MOCOS: variants seen among roughly 807,000 people sequenced by gnomAD.
The protein encoded by MOCOS is molybdenum cofactor sulfurase, also known as human molybdenum cofactor sulfurase.
A neutral mutation model predicts 83.6 loss-of-function variants in MOCOS; 86 were observed. The ratio of observed to expected loss-of-function variants is 1.03; its 90% CI spans 0.86 to 1.23. The LOEUF (loss-of-function observed/expected upper bound fraction) is 1.23. Among genes scored for constraint, MOCOS ranks in the 50% most tolerant of loss-of-function variants. MOCOS has a pLI of 0.00. For synonymous variants in MOCOS, 445 were observed against 434.7 expected (o/e 1.02, Z -0.29); for missense variants, 1,120 against 1,126.9 (o/e 0.99, Z 0.09).
intron 12 of MOCOS, among the ~76,000 whole-genome samples, chr18:36,259,468 G>GT (rs1185933716): frequency 1.5e-5 from 2 of 135,498 alleles, no homozygotes; most frequent in Non-Finnish European, 3.2e-5. Flanking sequence ...AAAAAAAAAG[G>GT]TATCAGAAAA....
chr18:36,260,127 TGAA>T lies in MOCOS; in HGVS notation c.2367_2369del (p.Glu790del). ...TTATTATCAATGGAAAAAGGGCTTTTGAAGAAGAGAAATGGGATGAGATTTCAA... is the reference window on the plus strand; with the variant it reads ...TTATTATCAATGGAAAAAGGGCTTTTGAAGAGAAATGGGATGAGATTTCAA... On this transcript the variant is annotated inframe_deletion, in exon 13 of 15. Transcript: ENST00000261326. The T allele has an allele frequency of 6.2e-7, 1 of 1,614,180 alleles. No homozygotes were observed. Among genetic ancestry groups the T allele is most frequent in the Non-Finnish European group, 8.5e-7 (1 of 1,180,038 alleles).
chr18:36,234,940 G>A (rs1426316166), intron 9 of MOCOS, among the ~76,000 whole-genome samples: 1 of 152,046 alleles, frequency 6.6e-6, no homozygotes, highest in South Asian at 2.1e-4. Context: ...CAAACAGCAT[G>A]GAGGAAACTG....
Position 36,198,775 on chromosome 18 carries a change from T to C in MOCOS, c.299+19T>C. ...GCTACAGGTAAGCATCAGGGACACC[T>C]GCCTGACTGGGCATACCTAGGCAGA... On this transcript the variant is annotated intron_variant, in intron 3 of 14. Transcript: ENST00000261326. 6.2e-7 allele frequency: 1 copy of C among 1,613,016 alleles called. No individual in the cohort carries two copies. Among genetic ancestry groups the C allele is most frequent in the African/African-American group, 1.3e-5 (1 of 75,034 alleles).
Position 36,197,590 on chromosome 18 carries a change from G to A in MOCOS, c.233-1100G>A, listed in dbSNP as rs144487391. The stretch of plus-strand genomic sequence containing the variant: ...GACAACCCTGGGCAACATAGCAAGA[G>A]CCTATCTTTACAAAAAACAAAAATT... On this transcript the variant is annotated intron_variant, in intron 2 of 14. Coordinates refer to ENST00000261326, the MANE Select transcript of MOCOS (RefSeq NM_017947.4). Among the ~76,000 whole-genome samples, 159 of 151,994 alleles carry A rather than the reference G, an allele frequency of 1.0e-3. 6 individuals carry two copies. The East Asian group carries it at 0.026, about 25-fold the overall frequency.
intron 9 of MOCOS, among the ~76,000 whole-genome samples, chr18:36,240,041 T>G (rs1414972168): frequency 2.5e-5 from 3 of 120,400 alleles, no homozygotes; most frequent in African/African-American, 1.0e-4. Context: ...TTCTTCTAAA[T>G]TTTTTTCAAA....
intron 9 of MOCOS, among the ~76,000 whole-genome samples, chr18:36,244,928 G>A (rs1301809734): frequency 6.6e-6 from 1 of 151,952 alleles, no homozygotes; most frequent in Admixed American, 6.6e-5. Flanking sequence ...TGTTTTGTCT[G>A]CTATAAGAAT....
chr18:36,200,917 T>C (rs897403630), intron 4 of MOCOS, among the ~76,000 whole-genome samples: 1 of 152,220 alleles, frequency 6.6e-6, no homozygotes, highest in African/African-American at 2.4e-5. Flanking sequence ...GTGCAGGTTG[T>C]CACTTGCCCT....
intron 9 of MOCOS, among the ~76,000 whole-genome samples, chr18:36,239,326 C>T (rs1353907726): frequency 6.7e-6 from 1 of 149,590 alleles, no homozygotes; most frequent in East Asian, 1.9e-4. Context: ...TTAGGGCAGG[C>T]CTGGTGGTGA....
chr18:36,231,449 T>C (rs1481065642), intron 9 of MOCOS, among the ~76,000 whole-genome samples: 1 of 152,252 alleles, frequency 6.6e-6, no homozygotes, highest in Non-Finnish European at 1.5e-5. Flanking sequence ...TTTTGAACTG[T>C]TACCTATGCA....
intron 9 of MOCOS, 77 bp from the exon 10 acceptor site, chr18:36,248,845 C>A: frequency 8.2e-7 from 1 of 1,221,120 alleles, no homozygotes; most frequent in South Asian, 1.2e-5. Context: ...GTTACTACAG[C>A]TTTGTAGTAT....
intron 13 of MOCOS, among the ~76,000 whole-genome samples, chr18:36,260,581 C>T (rs1043540695): frequency 6.6e-6 from 1 of 152,138 alleles, no homozygotes; most frequent in Non-Finnish European, 1.5e-5. Context: ...TTGCCCATGG[C>T]CACCCACTCT....
At chr18:36,199,641 G>A (rs756993527) in intron 3 of MOCOS, 42 bp from the exon 4 acceptor site, 2 of 1,611,274 alleles carry the variant, frequency 1.2e-6, no homozygotes, top group Admixed American at 1.7e-5. Flanking sequence ...TCAGTGCTGG[G>A]GCTGAGATCC....
chr18:36,259,556 A>G (rs868167138), intron 12 of MOCOS, among the ~76,000 whole-genome samples: 1 of 111,684 alleles, frequency 9.0e-6, no homozygotes, highest in Non-Finnish European at 1.9e-5. Context: ...TAATACCCAA[A>G]AAAAAAAAAA....
chr18:36,192,396 AAAG>A (rs1384597714), intron 1 of MOCOS, among the ~76,000 whole-genome samples: 1 of 152,248 alleles, frequency 6.6e-6, no homozygotes, highest in Non-Finnish European at 1.5e-5. Flanking sequence ...AAATTTATCA[AAAG>A]AAGTATCACA....
intron 13 of MOCOS, among the ~76,000 whole-genome samples, chr18:36,264,082 G>A (rs1313023258): frequency 1.3e-5 from 2 of 152,132 alleles, no homozygotes; most frequent in Non-Finnish European, 2.9e-5. Context: ...GGCTGAGGTA[G>A]GAGAATCGCT....
chr18:36,192,709 G>A (rs370910115), intron 1 of MOCOS, among the ~76,000 whole-genome samples: 103 of 152,272 alleles, frequency 6.8e-4, no homozygotes, highest in Admixed American at 2.5e-3. Context: ...GTACAGTGGT[G>A]CAATCTCAGC....
chr18:36,193,313 G>A (rs1319643310), intron 1 of MOCOS, among the ~76,000 whole-genome samples: 2 of 44,372 alleles, frequency 4.5e-5, no homozygotes, highest in Non-Finnish European at 7.5e-5. Context: ...GCGAGACTCC[G>A]TCTCAAAAAA....
chr18:36,225,770 T>A (rs1408976572), intron 9 of MOCOS, among the ~76,000 whole-genome samples: 2 of 152,114 alleles, frequency 1.3e-5, no homozygotes, highest in Non-Finnish European at 2.9e-5. Context: ...TATTTTATAA[T>A]TTTTAAAATT....
chr18:36,216,549 C>T (rs780604973), intron 8 of MOCOS, among the ~76,000 whole-genome samples: 13 of 151,960 alleles, frequency 8.6e-5, no homozygotes, highest in South Asian at 6.2e-4. Context: ...AATGAATTAG[C>T]GAATAAATAG....
Sources: gnomAD v4.1 joint callset for allele counts (sites outside exome capture counted in the v4.1 genomes callset) on GRCh38, gnomAD v4.1.1 for gene constraint, MANE v1.5 for transcripts, NCBI Gene and HGNC (gene_info 2026-07-23, HGNC 2026-07-21) for gene names.